Variants in SPIDR observed in about 807,000 individuals in gnomAD.
SPIDR encodes the protein DNA repair-scaffolding protein.
Under a neutral mutation model 104.6 loss-of-function variants are expected in SPIDR, and 93 were observed. The observed-to-expected ratio is 0.89, with a 90% confidence interval of 0.75 to 1.06. SPIDR has a LOEUF of 1.06. Among genes scored for constraint, SPIDR ranks in the 50% least tolerant of loss-of-function variants. The pLI is 0.00. For missense variants in SPIDR, 1,154 were observed against 1,111.2 expected, an observed-to-expected ratio of 1.04 and a Z score of -0.55; for synonymous variants, 431 against 416.9, an observed-to-expected ratio of 1.03 and a Z score of -0.41.
chr8:47,312,474 T>C (rs1170343779), intron 5 of SPIDR, among the ~76,000 whole-genome samples: 1 of 152,210 alleles, frequency 6.6e-6, no homozygotes, highest in Non-Finnish European at 1.5e-5. Context: ...TGGCCAGTGA[T>C]GGTGAGCATT....
At chr8:47,659,272 G>A (rs1353813049) in intron 10 of SPIDR, among the ~76,000 whole-genome samples, 1 of 152,130 alleles carries the variant, frequency 6.6e-6, no homozygotes, top group Non-Finnish European at 1.5e-5. Context: ...AGGGGAAAAA[G>A]GCTGAGGTTT....
In SPIDR at chr8:47,397,479, G is replaced by A. The variant is rs143647531; in HGVS notation, c.776+853G>A. Among the ~76,000 whole-genome samples, 26 of 152,292 alleles carry A rather than the reference G, an allele frequency of 1.7e-4. 1 individual carries two copies. Among genetic ancestry groups the A allele is most frequent in the African/African-American group, 6.0e-4 (25 of 41,562 alleles). On this transcript the variant is annotated intron_variant, in intron 6 of 19. Coordinates refer to ENST00000297423, the MANE Select transcript of SPIDR (RefSeq NM_001080394.4). ...CCATTGCACTCCAGCCTGGGCAACA[G>A]GGCAAGACTCCGTCTCTAAAAACAA... is the stretch of plus-strand genomic sequence containing the variant.
intron 1 of SPIDR, among the ~76,000 whole-genome samples, chr8:47,271,637 G>A (rs886673833): frequency 4.0e-5 from 6 of 151,756 alleles, no homozygotes; most frequent in African/African-American, 1.2e-4. Flanking sequence ...TTCACTTTTT[G>A]GATATAGTTT....
intron 8 of SPIDR, among the ~76,000 whole-genome samples, chr8:47,502,509 C>T (rs914220395): frequency 3.3e-5 from 5 of 151,902 alleles, no homozygotes; most frequent in African/African-American, 4.8e-5. Context: ...TTTTTTATTG[C>T]GTCTATTTGA....
At chr8:47,385,516 G>A (rs528125193) in intron 5 of SPIDR, among the ~76,000 whole-genome samples, 41 of 152,304 alleles carry the variant, frequency 2.7e-4, no homozygotes, top group African/African-American at 8.7e-4. Context: ...TAGGTTAAAA[G>A]TATTTACATT....
At chr8:47,443,589 A>C (rs1267068150) in intron 8 of SPIDR, among the ~76,000 whole-genome samples, 1 of 151,014 alleles carries the variant, frequency 6.6e-6, no homozygotes, top group Non-Finnish European at 1.5e-5. Flanking sequence ...AAAAAAAAAA[A>C]AACACCTCAT....
intron 10 of SPIDR, among the ~76,000 whole-genome samples, chr8:47,606,321 C>T (rs1278571144): frequency 2.0e-5 from 3 of 151,532 alleles, no homozygotes; most frequent in Non-Finnish European, 4.4e-5. Context: ...AGATCGAGAC[C>T]ATCCTGGCTA....
chr8:47,707,947 A>G (rs2081312631), intron 14 of SPIDR, among the ~76,000 whole-genome samples: 1 of 152,222 alleles, frequency 6.6e-6, no homozygotes, highest in East Asian at 1.9e-4. Context: ...ATAAATTTGC[A>G]TTGGTAATAT....
At chr8:47,432,056 A>C (rs2067455624) in intron 7 of SPIDR, among the ~76,000 whole-genome samples, 1 of 152,224 alleles carries the variant, frequency 6.6e-6, no homozygotes, top group African/African-American at 2.4e-5. Context: ...ACTCAGAATT[A>C]AAATTTTGAT....
chr8:47,690,487 AT>A (rs1431750381), intron 11 of SPIDR, among the ~76,000 whole-genome samples: 4 of 150,432 alleles, frequency 2.7e-5, no homozygotes, highest in African/African-American at 9.7e-5. Flanking sequence ...TACATATATT[AT>A]TTTTAATGCC....
intron 10 of SPIDR, among the ~76,000 whole-genome samples, chr8:47,649,549 G>C (rs922442217): frequency 7.2e-5 from 11 of 152,176 alleles, no homozygotes; most frequent in African/African-American, 2.7e-4. Flanking sequence ...AGGGCAATGG[G>C]TGAAACATGA....
intron 5 of SPIDR, among the ~76,000 whole-genome samples, chr8:47,335,564 C>T (rs2049535415): frequency 6.6e-6 from 1 of 152,212 alleles, no homozygotes; most frequent in Non-Finnish European, 1.5e-5. Flanking sequence ...GATTCTCTTG[C>T]CTCAGCCTCC....
At chr8:47,727,851 G>T (rs942457010) in intron 17 of SPIDR, among the ~76,000 whole-genome samples, 1 of 152,188 alleles carries the variant, frequency 6.6e-6, no homozygotes, top group Admixed American at 6.5e-5. Flanking sequence ...GGGCATGGTG[G>T]CTCACGCCTG....
At chr8:47,719,700 G>A (rs1334381280) in intron 16 of SPIDR, among the ~76,000 whole-genome samples, 1 of 151,994 alleles carries the variant, frequency 6.6e-6, no homozygotes, top group African/African-American at 2.4e-5. Flanking sequence ...GGAAAGCCAA[G>A]GGAGCCAGAG....
intron 9 of SPIDR, among the ~76,000 whole-genome samples, chr8:47,596,577 G>A (rs567696214): frequency 6.6e-6 from 1 of 152,318 alleles, no homozygotes; most frequent in East Asian, 1.9e-4. Context: ...ATGAGTCAGT[G>A]AGTGAGTGGG....
chr8:47,366,991 TC>T (rs1273475657), intron 5 of SPIDR, among the ~76,000 whole-genome samples: 1 of 152,220 alleles, frequency 6.6e-6, no homozygotes, highest in Non-Finnish European at 1.5e-5. Context: ...TATTGCATAA[TC>T]CATGGGACTG....
At chr8:47,420,626 T>G (rs986940216) in intron 7 of SPIDR, among the ~76,000 whole-genome samples, 4 of 152,222 alleles carry the variant, frequency 2.6e-5, no homozygotes, top group Middle Eastern at 3.2e-3. Context: ...TTAAAGTTAA[T>G]ATTGTTAGGT....
At chr8:47,370,775 C>T (rs1327447035) in intron 5 of SPIDR, among the ~76,000 whole-genome samples, 1 of 151,632 alleles carries the variant, frequency 6.6e-6, no homozygotes, top group Non-Finnish European at 1.5e-5. Flanking sequence ...TATATTCTCT[C>T]GCATAGTAGA....
Position 47,658,029 on chromosome 8 carries a change from CAAAAAAAAA to C in SPIDR, c.1545-15760_1545-15752del, listed in dbSNP as rs34648437. On this transcript the variant is annotated intron_variant, in intron 10 of 19. Coordinates refer to ENST00000297423, the MANE Select transcript of SPIDR (RefSeq NM_001080394.4). Reference sequence around the variant, plus strand: ...TGGGCAACAGATTGAGACCCTGTCTCAAAAAAAAAAAAAAAAAAAAGAAAAAGAAAAAGA... The same window carrying C: ...TGGGCAACAGATTGAGACCCTGTCTCAAAAAAAAAAAGAAAAAGAAAAAGA... Among the ~76,000 whole-genome samples the C allele has an allele frequency of 3.8e-4, 29 of 76,048 alleles. No homozygotes were observed. The South Asian group carries it at 9.4e-3, about 25-fold the overall frequency. 49.9% of individuals were successfully genotyped at this position (76,048 alleles called of 152,430 possible). A position where few individuals can be genotyped will look rare whatever the true frequency, so the allele number is the denominator to read the frequency against.
Sources: allele counts gnomAD v4.1 joint callset (sites outside exome capture counted in the v4.1 genomes callset), GRCh38; gene constraint gnomAD v4.1.1; transcripts MANE v1.5; gene names NCBI Gene and HGNC (gene_info 2026-07-23, HGNC 2026-07-21).